Variants in MYO9B observed in about 807,000 individuals in gnomAD.
MYO9B encodes unconventional myosin-IXb.
In MYO9B, 71 loss-of-function variants were observed where a neutral mutation model predicts 229.5. The ratio of observed to expected loss-of-function variants is 0.31; its 90% CI spans 0.26 to 0.38. The LOEUF (loss-of-function observed/expected upper bound fraction) is 0.38. Ranked by LOEUF, MYO9B falls within the 10% of genes least tolerant of loss-of-function variation. The pLI is 1.00. For missense variants in MYO9B, 2,255 were observed against 2,920.5 expected, an observed-to-expected ratio of 0.77 and a Z score of 5.25; for synonymous variants, 1,185 against 1,235.8, an observed-to-expected ratio of 0.96 and a Z score of 0.86.
intron 1 of MYO9B, among the ~76,000 whole-genome samples, chr19:17,087,200 G>GGGGT (rs1031181767): frequency 2.4e-4 from 36 of 152,322 alleles, no homozygotes; most frequent in Admixed American, 2.4e-3. Flanking sequence ...AGGGCCTGGA[G>GGGGT]GGGTGGGCGT....
Position 17,196,820 on chromosome 19 carries a change from G to GTGGA in MYO9B, c.4047-955_4047-952dup, listed in dbSNP as rs959616847. Among the ~76,000 whole-genome samples, 11 of 151,834 alleles carry GTGGA rather than the reference G, an allele frequency of 7.2e-5. No individual in the cohort carries two copies. In the East Asian group the frequency reaches 1.4e-3, roughly 19 times the overall value. On this transcript the variant is annotated intron_variant, in intron 22 of 39. Transcript: ENST00000682292. ...GTAGAGATGATGGATGGCTGGGTGG[G>GTGGA]TGGATGGATGGATGGATGGACAGAC...
chr19:17,189,127 C>T (rs565954068), intron 19 of MYO9B, among the ~76,000 whole-genome samples: 1 of 150,846 alleles, frequency 6.6e-6, no homozygotes, highest in East Asian at 2.0e-4. Context: ...CGCCATTGCA[C>T]TGCAGCCTGG....
Position 17,198,070 on chromosome 19 carries a change from A to C in MYO9B, c.4114-114A>C, listed in dbSNP as rs567779442. On this transcript the variant is annotated intron_variant, in intron 23 of 39. Coordinates refer to ENST00000682292, the MANE Select transcript of MYO9B (RefSeq NM_004145.4). ...AGAGTGAGACTCCGTTTCAAAAAAA[A>C]AAAAAGCAGGAAGTGAGGTCGGTGG... is the stretch of plus-strand genomic sequence containing the variant. 5 of 1,488,162 alleles carry C rather than the reference A, an allele frequency of 3.4e-6. No homozygotes were observed. The African/African-American group carries it at 5.7e-5, about 17-fold the overall frequency. The allele number at this position is 1,488,162 out of a possible 1,614,324, so 92.2% of individuals were successfully genotyped here. A position where few individuals can be genotyped will look rare whatever the true frequency, so the allele number is the denominator to read the frequency against.
intron 2 of MYO9B, among the ~76,000 whole-genome samples, chr19:17,116,774 G>A (rs114087138): frequency 0.012 from 1,845 of 152,182 alleles, 48 homozygotes; most frequent in African/African-American, 0.041. Context: ...GGTATGGAGA[G>A]GATGGGGGTG....
chr19:17,136,587 G>T (rs2072272405), intron 2 of MYO9B, among the ~76,000 whole-genome samples: 1 of 151,960 alleles, frequency 6.6e-6, no homozygotes. Context: ...ACATTCTTTG[G>T]TTATCCCAGA....
chr19:17,195,391 G>A lies in MYO9B; in HGVS notation c.3964G>A (p.Ala1322Thr), dbSNP rs543674106. The stretch of plus-strand genomic sequence containing the variant: ...GCGGGGCAAGAAGCTGGTGGCCGCC[G>A]CCAGCCCTAGTGCCATGCTCAGCCA... ...LWRGKKLVAA[A>T]SPSAMLSQSL... The change falls in exon 22 of 40, where the codon GCC becomes ACC. Residue 1322 changes from alanine to threonine, a missense_variant. Ala to Thr is a moderately conservative substitution (Grantham distance 58, BLOSUM62 0). Around this residue, in one of 7 missense-constraint regions of MYO9B, gnomAD observed 679 missense variants for 770.2 expected, o/e 0.88. Coordinates refer to ENST00000682292, the MANE Select transcript of MYO9B (RefSeq NM_004145.4). This position sits in a 1 kb window ranked among gnomAD's most constrained non-coding sequence, Gnocchi z 4.5. 12 of 1,609,462 alleles carry A rather than the reference G, an allele frequency of 7.5e-6. No individual in the cohort carries two copies. The highest frequency in any genetic ancestry group is 2.2e-5 in the East Asian group (1 of 44,836).
intron 2 of MYO9B, among the ~76,000 whole-genome samples, chr19:17,136,424 G>A (rs2072270386): frequency 6.6e-6 from 1 of 152,046 alleles, no homozygotes; most frequent in East Asian, 1.9e-4. Flanking sequence ...AAGACCGCAG[G>A]GACCCCTCAG....
intron 22 of MYO9B, 36 bp from the exon 23 acceptor site, chr19:17,197,756 C>T (rs760310185): frequency 6.2e-7 from 1 of 1,608,018 alleles, no homozygotes; most frequent in South Asian, 1.1e-5. Flanking sequence ...CTGACTCACT[C>T]TAGTCAGTAA....
intron 22 of MYO9B, among the ~76,000 whole-genome samples, chr19:17,196,272 AGAT>A (rs1220991694): frequency 4.0e-5 from 6 of 151,892 alleles, no homozygotes; most frequent in Non-Finnish European, 7.4e-5. Flanking sequence ...AGACAGATAT[AGAT>A]GATGGATGGA....
chr19:17,202,228 G>A lies in MYO9B; in HGVS notation c.4761G>A (p.Leu1587=). The change falls in exon 28 of 40, where the codon CTG becomes CTA. Residue 1587 remains leucine (L), a synonymous_variant. Coordinates refer to ENST00000682292, the MANE Select transcript of MYO9B (RefSeq NM_004145.4). ...ATERGQKDTN[L]VLNLFQSLLD... ...AGCGTGGCCAGAAGGACACCAACCT[G>A]GTCCTCAACCTCTTCCAGTCACTGC... 1 of 1,610,532 alleles carries A rather than the reference G, an allele frequency of 6.2e-7. No individual in the cohort carries two copies. Among genetic ancestry groups the A allele is most frequent in the Non-Finnish European group, 8.5e-7 (1 of 1,178,606 alleles).
intron 20 of MYO9B, among the ~76,000 whole-genome samples, chr19:17,191,858 C>A (rs900191268): frequency 1.3e-5 from 2 of 152,122 alleles, no homozygotes; most frequent in African/African-American, 2.4e-5. Context: ...CACCTGTGGT[C>A]TCAACTGCTT....
intron 10 of MYO9B, among the ~76,000 whole-genome samples, chr19:17,167,653 A>G (rs1023966735): frequency 2.6e-5 from 4 of 151,334 alleles, no homozygotes; most frequent in East Asian, 2.0e-4. Context: ...CTAATTTTGT[A>G]TCTTTAGTAG....
chr19:17,189,599 T>C (rs972301544), intron 19 of MYO9B, among the ~76,000 whole-genome samples: 12 of 151,936 alleles, frequency 7.9e-5, no homozygotes, highest in Non-Finnish European at 1.6e-4. Flanking sequence ...ACCACTGCAC[T>C]CCAGCCTGGG....
chr19:17,083,534 G>A (rs985722307), intron 1 of MYO9B, among the ~76,000 whole-genome samples: 9 of 152,108 alleles, frequency 5.9e-5, no homozygotes, highest in African/African-American at 2.2e-4. Context: ...AGTGTCTCCT[G>A]GAGGGCAGAG....
chr19:17,109,595 T>C (rs2057828042), intron 2 of MYO9B, among the ~76,000 whole-genome samples: 1 of 152,190 alleles, frequency 6.6e-6, no homozygotes, highest in South Asian at 2.1e-4. Flanking sequence ...CTCACAGTTC[T>C]GGAGGCCAGA....
chr19:17,115,885 C>T (rs1372353098), intron 2 of MYO9B, among the ~76,000 whole-genome samples: 1 of 151,904 alleles, frequency 6.6e-6, no homozygotes, highest in East Asian at 1.9e-4. Context: ...CATTTGTATC[C>T]GTGCCATAGA....
intron 2 of MYO9B, among the ~76,000 whole-genome samples, chr19:17,136,775 A>G (rs2072275374): frequency 6.6e-6 from 1 of 151,710 alleles, no homozygotes; most frequent in Non-Finnish European, 1.5e-5. Context: ...GTTTCATCAG[A>G]CCCTCCAGAG....
chr19:17,149,247 G>A (rs2072450797), intron 3 of MYO9B, among the ~76,000 whole-genome samples: 1 of 152,142 alleles, frequency 6.6e-6, no homozygotes, highest in South Asian at 2.1e-4. Flanking sequence ...CAAAGCTCTG[G>A]GGATTACAGG....
chr19:17,199,952 A>G (rs2073089326), intron 24 of MYO9B, among the ~76,000 whole-genome samples: 1 of 147,898 alleles, frequency 6.8e-6, no homozygotes, highest in Non-Finnish European at 1.5e-5. Context: ...GCAACCTGCA[A>G]CCTCCACCTC....
Sources: gnomAD v4.1 joint callset for allele counts (sites outside exome capture counted in the v4.1 genomes callset) on GRCh38, gnomAD v4.1.1 for gene constraint, gnomAD v4.1.1 regional missense constraint, Gnocchi (gnomAD v3.1) non-coding constraint, MANE v1.5 for transcripts, NCBI Gene and HGNC (gene_info 2026-07-23, HGNC 2026-07-21) for gene names.